The following CWH43 variants were observed in gnomAD, a reference collection of about 807,000 sequenced individuals.
CWH43 encodes the protein cell wall biogenesis 43 C-terminal homolog, also known as PGAP2-interacting protein.
A neutral mutation model predicts 85.7 loss-of-function variants in CWH43; 91 were observed. The ratio of observed to expected loss-of-function variants is 1.06; its 90% CI spans 0.90 to 1.26. CWH43 has a LOEUF of 1.26. CWH43 is among the 50% of genes most tolerant of loss of function. CWH43 has a pLI of 0.00. For synonymous variants in CWH43, 323 were observed against 293.6 expected (o/e 1.10, Z -1.02); for missense variants, 869 against 839.2 (o/e 1.04, Z -0.44).
At chr4:49,016,605 G>A (rs1231303072) in intron 8 of CWH43, 1 of 736,898 alleles carries the variant, frequency 1.4e-6, no homozygotes, top group African/African-American at 1.7e-5. Context: ...GTACAGTTTG[G>A]ATGAGGCCAC....
In CWH43 at chr4:48,988,647, C is replaced by G; in HGVS notation, c.214C>G (p.Leu72Val). The change falls in exon 2 of 16, where the codon CTG becomes GTG. Residue 72 changes from leucine to valine, a missense_variant. By Grantham distance (32) the Leu-to-Val change is conservative (BLOSUM62 1). Around this residue, in one of 3 missense-constraint regions of CWH43, gnomAD observed 140 missense variants for 122.6 expected, o/e 1.14. Transcript: ENST00000226432. ...GGTTAACAAGAAGTGGATGCTAACC[C>G]TGCTGAGGATAATCACTATTGGTAA... Reference protein sequence around the residue: ...KLVNKKWMLTLLRIITIGSIA... With the variant: ...KLVNKKWMLTVLRIITIGSIA... The G allele has an allele frequency of 1.2e-6, 2 of 1,607,056 alleles. No individual in the cohort carries two copies. Among genetic ancestry groups the G allele is most frequent in the Non-Finnish European group, 1.7e-6 (2 of 1,176,812 alleles).
intron 8 of CWH43, among the ~76,000 whole-genome samples, chr4:49,009,330 C>G (rs529102990): frequency 6.6e-6 from 1 of 152,228 alleles, no homozygotes; most frequent in South Asian, 2.1e-4. Context: ...GATTTTGTAT[C>G]CTGAGACTTT....
chr4:49,045,612 C>T (rs1217025212), intron 14 of CWH43, among the ~76,000 whole-genome samples: 1 of 152,128 alleles, frequency 6.6e-6, no homozygotes, highest in Non-Finnish European at 1.5e-5. Flanking sequence ...ATAGGCCATA[C>T]CATATAGCTT....
chr4:48,989,034 T>C (rs1295314580), intron 2 of CWH43, among the ~76,000 whole-genome samples: 2 of 152,170 alleles, frequency 1.3e-5, no homozygotes, highest in African/African-American at 2.4e-5. Flanking sequence ...ATGTGAAAAT[T>C]ATGATGAAAA....
At chr4:49,055,492 G>T (rs1784920978) in intron 15 of CWH43, among the ~76,000 whole-genome samples, 1 of 152,000 alleles carries the variant, frequency 6.6e-6, no homozygotes, top group Admixed American at 6.6e-5. Flanking sequence ...TCTGGCTTTG[G>T]TATCAGGCTA....
chr4:48,988,187 T>C (rs570862069), intron 1 of CWH43, among the ~76,000 whole-genome samples: 2 of 152,342 alleles, frequency 1.3e-5, no homozygotes, highest in East Asian at 1.9e-4. Flanking sequence ...CCTACAGATA[T>C]ACTCAGTGTC....
intron 15 of CWH43, among the ~76,000 whole-genome samples, chr4:49,051,366 C>T (rs911752655): frequency 2.0e-5 from 3 of 152,268 alleles, no homozygotes; most frequent in Non-Finnish European, 4.4e-5. Flanking sequence ...ATTCTCAGCT[C>T]TGGCTGCACA....
intron 11 of CWH43, chr4:49,031,183 A>G: frequency 2.3e-6 from 1 of 429,506 alleles, no homozygotes; most frequent in Non-Finnish European, 4.1e-6. Context: ...CAATCAATCT[A>G]GGAGCTGAGG....
Position 49,061,854 on chromosome 4 carries a change from T to C in CWH43, c.2064T>C (p.His688=). 1 of 1,400,228 alleles carries C rather than the reference T, an allele frequency of 7.1e-7. No homozygotes were observed. The highest frequency in any genetic ancestry group is 9.5e-7 in the Non-Finnish European group (1 of 1,053,010). The allele number at this position is 1,400,228 out of a possible 1,614,324, so 86.7% of individuals were successfully genotyped here. Residue 688 remains histidine (H), a synonymous_variant, in exon 16 of 16, where the codon CAT becomes CAC. Transcript: ENST00000226432. ...AAGGACACAATTATGAAAACAACCA[T>C]CATTTTCATATGAATACTCCCAAAT... ...YKEGHNYENN[H]HFHMNTPKYF...
At chr4:49,004,149 G>A (rs1306023257) in intron 7 of CWH43, among the ~76,000 whole-genome samples, 157 bp downstream of exon 7, 2 of 152,188 alleles carry the variant, frequency 1.3e-5, no homozygotes, top group Non-Finnish European at 2.9e-5. Context: ...AAAACCTGGA[G>A]TGATGTCTAA....
intron 6 of CWH43, among the ~76,000 whole-genome samples, chr4:49,000,258 G>A (rs192129834): frequency 4.6e-5 from 7 of 152,232 alleles, no homozygotes; most frequent in Admixed American, 2.0e-4. Context: ...CGTAAGTGCC[G>A]TCACATTTGC....
rs397881381 is a variant in CWH43, at chr4:49,030,806, CT to C, written c.1373-9del. On this transcript the variant is annotated intron_variant, in intron 10 of 15. Coordinates refer to ENST00000226432, the MANE Select transcript of CWH43 (RefSeq NM_025087.3). ...TGCTGTGATTCATCACTGTATGCTA[CT>C]TTTTTTTTTCTGAACAGGTGCAGAT... The C allele has an allele frequency of 7.4e-3, 10,337 of 1,398,076 alleles. 55 individuals carry two copies. Among genetic ancestry groups the C allele is most frequent in the Admixed American group, 9.6e-3 (421 of 43,780 alleles). 86.6% of individuals were successfully genotyped at this position (1,398,076 alleles called of 1,614,324 possible).
intron 6 of CWH43, among the ~76,000 whole-genome samples, chr4:49,000,269 A>G (rs1407638417): frequency 6.6e-6 from 1 of 152,202 alleles, no homozygotes; most frequent in Middle Eastern, 3.2e-3. Context: ...TCACATTTGC[A>G]TGGAAATGTA....
In CWH43 at chr4:49,032,601, C is replaced by T; in HGVS notation, c.1544C>T (p.Ser515Phe). Residue 515 changes from serine to phenylalanine, a missense_variant, in exon 12 of 16, where the codon TCT (serine) becomes TTT (phenylalanine). Physicochemically the swap from Ser to Phe is radical, Grantham distance 155. Around this residue, in one of 3 missense-constraint regions of CWH43, gnomAD observed 577 missense variants for 513.1 expected, o/e 1.12. Transcript: ENST00000226432. ...MALSRYPIVK[S>F]EHHLLPSPEG... ...TTGTCAAGATACCCAATTGTGAAAT[C>T]TGAGCATCACCTTCTTCCGTCACCA... 6.2e-7 allele frequency: 1 copy of T among 1,614,048 alleles called. No individual in the cohort carries two copies. Among genetic ancestry groups the T allele is most frequent in the East Asian group, 2.2e-5 (1 of 44,888 alleles).
At chr4:48,986,642 A>G (rs1782504186) in intron 1 of CWH43, 170 bp downstream of exon 1, 7 of 1,416,038 alleles carry the variant, frequency 4.9e-6, no homozygotes, top group Admixed American at 6.1e-5. Context: ...TGAAGGGAAT[A>G]AAGGAAAAGA....
chr4:48,999,887 G>A (rs1577659012), intron 6 of CWH43, among the ~76,000 whole-genome samples: 2 of 152,198 alleles, frequency 1.3e-5, no homozygotes, highest in East Asian at 3.9e-4. Context: ...GACCCCAGAA[G>A]TATCAGTGAA....
intron 9 of CWH43, among the ~76,000 whole-genome samples, chr4:49,023,372 A>AATTTTT (rs1431751345): frequency 6.6e-6 from 1 of 151,970 alleles, no homozygotes; most frequent in East Asian, 1.9e-4. Context: ...GTTGATTTCC[A>AATTTTT]ATTTTTATTT....
intron 8 of CWH43, among the ~76,000 whole-genome samples, chr4:49,008,150 T>C (rs1783227802): frequency 6.6e-6 from 1 of 152,240 alleles, no homozygotes; most frequent in African/African-American, 2.4e-5. Context: ...CCTGAGTTTT[T>C]AATGATCACC....
Position 49,045,908 on chromosome 4 carries a change from A to G in CWH43, c.1865+1061A>G, listed in dbSNP as rs532186189. On this transcript the variant is annotated intron_variant, in intron 14 of 15. Transcript: ENST00000226432. Reference sequence around the variant, plus strand: ...CAAAATCCTCTTTTCTATTTGAAATATATAGTACATTGTTGTAACCTACTG... The same window carrying G: ...CAAAATCCTCTTTTCTATTTGAAATGTATAGTACATTGTTGTAACCTACTG... 1.5e-4 allele frequency among the ~76,000 whole-genome samples: 23 copies of G among 152,178 alleles called. No individual in the cohort carries two copies. In the South Asian group the frequency reaches 3.1e-3, roughly 21 times the overall value.
Sources: allele counts gnomAD v4.1 joint callset (sites outside exome capture counted in the v4.1 genomes callset), GRCh38; gene constraint gnomAD v4.1.1; regional missense constraint gnomAD v4.1.1; transcripts MANE v1.5; gene names NCBI Gene and HGNC (gene_info 2026-07-23, HGNC 2026-07-21).